The following NFATC3 variants were observed in gnomAD, a reference collection of about 807,000 sequenced individuals.
NFATC3 encodes nuclear factor of activated T-cells, cytoplasmic 3.
Under a neutral mutation model 98.6 loss-of-function variants are expected in NFATC3, and 46 were observed. The ratio of observed to expected loss-of-function variants is 0.47; its 90% CI spans 0.37 to 0.60. The LOEUF (loss-of-function observed/expected upper bound fraction) is 0.60, where lower values mean the gene tolerates loss of function less well. NFATC3 is among the 20% of genes least tolerant of loss of function. The pLI, the probability that NFATC3 is intolerant of heterozygous loss-of-function variation, is 0.00. For missense variants in NFATC3, 1,256 were observed against 1,295.5 expected (o/e 0.97, Z 0.47); for synonymous variants, 512 against 472.2 (o/e 1.08, Z -1.09).
At chr16:68,221,203 T>G (rs2041850424) in intron 9 of NFATC3, 1 of 1,614,008 alleles carries the variant, frequency 6.2e-7, no homozygotes, top group Non-Finnish European at 8.5e-7. Context: ...TAGATTTGTT[T>G]ACCAGTAATA....
chr16:68,211,699 TTTAGTAGAGA>T (rs1567552141), intron 9 of NFATC3, among the ~76,000 whole-genome samples: 1 of 151,762 alleles, frequency 6.6e-6, no homozygotes, highest in Admixed American at 6.6e-5. Context: ...TTTTTGTGTT[TTTAGTAGAGA>T]CGGGGTTTCA....
chr16:68,160,966 G>T (rs1260617807), intron 4 of NFATC3, among the ~76,000 whole-genome samples: 2 of 150,486 alleles, frequency 1.3e-5, no homozygotes, highest in Admixed American at 1.3e-4. Flanking sequence ...ATTACATCTA[G>T]ATGTGAGCCA....
chr16:68,172,625 A>AT (rs869266489), intron 5 of NFATC3, among the ~76,000 whole-genome samples: 3 of 151,450 alleles, frequency 2.0e-5, no homozygotes, highest in Admixed American at 2.0e-4. Context: ...TACAAAAAAA[A>AT]TTTTTTTTTA....
chr16:68,113,153 A>G (rs2036073199), intron 1 of NFATC3, among the ~76,000 whole-genome samples: 1 of 152,178 alleles, frequency 6.6e-6, no homozygotes, highest in Non-Finnish European at 1.5e-5. Flanking sequence ...GCAATCATTT[A>G]GAGAAGAGAC....
At chr16:68,183,415 T>C (rs2040027348) in intron 8 of NFATC3, 49 bp downstream of exon 8, 3 of 1,589,784 alleles carry the variant, frequency 1.9e-6, no homozygotes, top group Admixed American at 3.5e-5. Flanking sequence ...TCCTAATGAA[T>C]AAAAAGTTAT....
intron 4 of NFATC3, among the ~76,000 whole-genome samples, chr16:68,164,377 C>G (rs951808336): frequency 1.3e-5 from 2 of 151,860 alleles, no homozygotes; most frequent in Non-Finnish European, 2.9e-5. Flanking sequence ...AGAGGGAGAC[C>G]GTGGAAAGAG....
intron 9 of NFATC3, among the ~76,000 whole-genome samples, chr16:68,218,572 G>A (rs1246038384): frequency 6.9e-6 from 1 of 145,890 alleles, no homozygotes; most frequent in Non-Finnish European, 1.5e-5. Context: ...AGTTTAGATG[G>A]TGCTTTTTTT....
At chr16:68,185,862 C>CAA (rs764335192) in intron 8 of NFATC3, among the ~76,000 whole-genome samples, 3,115 of 48,070 alleles carry the variant, frequency 0.065, 59 homozygotes, top group Middle Eastern at 0.12. Context: ...GACTCCGTCT[C>CAA]AAAAAAAAAA....
intron 3 of NFATC3, among the ~76,000 whole-genome samples, chr16:68,152,504 C>G (rs910136269): frequency 5.3e-5 from 8 of 152,008 alleles, no homozygotes; most frequent in Admixed American, 1.3e-4. Context: ...AAAATGGGCC[C>G]TACACCTGGT....
At chr16:68,094,422 CAA>C (rs199789472) in intron 1 of NFATC3, among the ~76,000 whole-genome samples, 4 of 135,940 alleles carry the variant, frequency 2.9e-5, no homozygotes, top group Non-Finnish European at 3.2e-5. Flanking sequence ...TTCACATGTT[CAA>C]AAAAAAAAAA....
At position 68,085,840 on chromosome 16, in the gene NFATC3, C is replaced by G. The variant is rs767138603; in HGVS notation, c.103+56C>G. On this transcript the variant is annotated intron_variant, in intron 1 of 9. Coordinates refer to ENST00000346183, the MANE Select transcript of NFATC3 (RefSeq NM_173165.3). The stretch of plus-strand genomic sequence containing the variant: ...CGACCCCGCTTCTCGCTCGCAGGAT[C>G]TCTCGCTCCCTCCCTGTTCCCTTGG... 10 of 1,266,586 alleles carry G rather than the reference C, an allele frequency of 7.9e-6. 1 individual carries two copies. The South Asian group carries it at 1.7e-4, about 21-fold the overall frequency. 78.5% of individuals were successfully genotyped at this position (1,266,586 alleles called of 1,614,324 possible). A position where few individuals can be genotyped will look rare whatever the true frequency, so the allele number is the denominator to read the frequency against.
chr16:68,133,357 T>G (rs966512728), intron 3 of NFATC3, among the ~76,000 whole-genome samples: 1 of 152,228 alleles, frequency 6.6e-6, no homozygotes, highest in Non-Finnish European at 1.5e-5. Flanking sequence ...TAACCTGATT[T>G]GATTATTATA....
At chr16:68,093,382 C>T (rs1041080346) in intron 1 of NFATC3, among the ~76,000 whole-genome samples, 1 of 152,130 alleles carries the variant, frequency 6.6e-6, no homozygotes, top group African/African-American at 2.4e-5. Context: ...TCAAATTGAC[C>T]TGCCCAAGGT....
Position 68,122,119 on chromosome 16 carries a change from A to G in NFATC3, c.236A>G (p.Gln79Arg). 1 of 1,614,108 alleles carries G rather than the reference A, an allele frequency of 6.2e-7. No individual in the cohort carries two copies. Among genetic ancestry groups the G allele is most frequent in the Non-Finnish European group, 8.5e-7 (1 of 1,180,008 alleles). ...SHSSVLSPSF[Q>R]LQSHKNYEGT... ...TCTTCTGTTTTGTCACCATCGTTTC[A>G]GCTCCAAAGTCACAAAAACTATGAA... Residue 79 changes from glutamine (Q) to arginine (R), a missense_variant, in exon 2 of 10, where the codon CAG becomes CGG. This residue lies in a region of NFATC3 where 464 missense variants were observed against 465.7 expected (regional missense o/e 1.00). Transcript: ENST00000346183.
rs913307591 is a variant in NFATC3 at position 68,126,616 on chromosome 16, A to G, written c.1401+6A>G. The G allele has an allele frequency of 1.9e-6, 3 of 1,613,764 alleles. No homozygotes were observed. Among genetic ancestry groups the G allele is most frequent in the Non-Finnish European group, 2.5e-6 (3 of 1,179,850 alleles). On this transcript the variant is annotated splice_donor_region_variant and intron_variant, in intron 3 of 9. Coordinates refer to ENST00000346183, the MANE Select transcript of NFATC3 (RefSeq NM_173165.3). ...GGGGACATCCTGTTGTGAAGGTATG[A>G]GACTTTTGGGGCTTGTTTTGCAGAT... is the stretch of plus-strand genomic sequence containing the variant.
chr16:68,087,906 A>G (rs544637208), intron 1 of NFATC3, among the ~76,000 whole-genome samples: 1 of 152,156 alleles, frequency 6.6e-6, no homozygotes, highest in Non-Finnish European at 1.5e-5. Flanking sequence ...ATTGATGGAC[A>G]TTTGGGCTTT....
chr16:68,207,222 A>G (rs909486038), intron 9 of NFATC3, among the ~76,000 whole-genome samples: 1 of 151,750 alleles, frequency 6.6e-6, no homozygotes, highest in African/African-American at 2.4e-5. Flanking sequence ...AGACAGGAGA[A>G]TCGCTTGAGC....
chr16:68,115,150 G>A (rs901586295), intron 1 of NFATC3, among the ~76,000 whole-genome samples: 5 of 151,076 alleles, frequency 3.3e-5, no homozygotes, highest in African/African-American at 7.3e-5. Flanking sequence ...TGCAACCTCC[G>A]CCTCCCGGCT....
intron 6 of NFATC3, among the ~76,000 whole-genome samples, chr16:68,177,782 TC>T (rs1415588223): frequency 6.6e-6 from 1 of 152,126 alleles, no homozygotes; most frequent in Non-Finnish European, 1.5e-5. Context: ...ATTCCCTTTC[TC>T]TTAAATCTGT....
Sources: gnomAD v4.1 joint callset for allele counts (sites outside exome capture counted in the v4.1 genomes callset) on GRCh38, gnomAD v4.1.1 for gene constraint, gnomAD v4.1.1 regional missense constraint, MANE v1.5 for transcripts, NCBI Gene and HGNC (gene_info 2026-07-23, HGNC 2026-07-21) for gene names.